Variants in STXBP4 observed in about 807,000 individuals in gnomAD.
The protein encoded by STXBP4 is syntaxin-binding protein 4.
Under a neutral mutation model 76.1 loss-of-function variants are expected in STXBP4, and 55 were observed. The observed-to-expected ratio is 0.72, with a 90% CI of 0.58 to 0.91. The LOEUF (loss-of-function observed/expected upper bound fraction) is 0.91, where lower values mean the gene tolerates loss of function less well. Among genes scored for constraint, STXBP4 ranks in the 40% least tolerant of loss-of-function variants. The probability of loss-of-function intolerance (pLI) is 0.00; values close to 1 mark genes in which losing one functional copy is unlikely to be tolerated. For synonymous variants in STXBP4, 201 were observed against 220.2 expected (o/e 0.91, Z 0.77); for missense variants, 618 against 636.9 (o/e 0.97, Z 0.32).
chr17:54,990,828 T>A lies in STXBP4; in HGVS notation c.51T>A (p.Asp17Glu), dbSNP rs762172948. Reference sequence around the variant, plus strand: ...GTGCTAATTTACTTTATCTTAGGGATCCTGCCTTTCAGATGATTACAATTG... The same window carrying A: ...GTGCTAATTTACTTTATCTTAGGGAACCTGCCTTTCAGATGATTACAATTG... ...TVVSPSLLEKDPAFQMITIAK... is the reference protein window; with the variant it reads ...TVVSPSLLEKEPAFQMITIAK... The change falls in exon 4 of 18, where the codon GAT becomes GAA. Residue 17 changes from aspartate to glutamate, a missense_variant. Asp to Glu is a conservative substitution (Grantham distance 45, BLOSUM62 2). Coordinates refer to ENST00000376352, the MANE Select transcript of STXBP4 (RefSeq NM_178509.6). The A allele has an allele frequency of 6.2e-7, 1 of 1,601,296 alleles. No homozygotes were observed. The highest frequency in any genetic ancestry group is 1.1e-5 in the South Asian group (1 of 88,314).
At chr17:55,210,355 A>G in the STXBP4 span, among the ~76,000 whole-genome samples, 1 of 152,172 alleles carries the variant, frequency 6.6e-6, no homozygotes, top group Non-Finnish European at 1.5e-5. Context: ...TCTGCACAAC[A>G]AAGGAGCGCT....
intron 12 of STXBP4, among the ~76,000 whole-genome samples, chr17:55,051,566 A>G (rs1168892895): frequency 6.6e-6 from 1 of 152,182 alleles, no homozygotes; most frequent in Non-Finnish European, 1.5e-5. Flanking sequence ...TCTCAATGAA[A>G]AAGAAAAGAT....
At chr17:55,003,803 A>T (rs2077958720) in intron 7 of STXBP4, among the ~76,000 whole-genome samples, 1 of 152,162 alleles carries the variant, frequency 6.6e-6, no homozygotes. Flanking sequence ...TACTAGTGCT[A>T]TATATAAGTT....
At position 55,163,929 on chromosome 17, in the gene STXBP4, GT is replaced by G. The variant is rs2080359192; in HGVS notation, c.*4021del. The stretch of plus-strand genomic sequence containing the variant: ...GAGTCAAGTGATACTTTCATAAAGT[GT>G]TTGCACAATTAGAAAATGTTATCCT... On this transcript the variant is annotated 3_prime_UTR_variant, in exon 18 of 18. Transcript: ENST00000376352. 1 of 152,614 alleles carries G rather than the reference GT, an allele frequency of 6.6e-6. No homozygotes were observed. Among genetic ancestry groups the G allele is most frequent in the Non-Finnish European group, 1.5e-5 (1 of 68,026 alleles). The allele number at this position is 152,614 out of a possible 1,614,324, so 9.5% of individuals were successfully genotyped here. A position where few individuals can be genotyped will look rare whatever the true frequency, so the allele number is the denominator to read the frequency against.
chr17:55,185,326 T>TCTCCTTCTCCTCCTCCTCCTCCTCCTC, the STXBP4 span, among the ~76,000 whole-genome samples: 73 of 74,588 alleles, frequency 9.8e-4, no homozygotes, highest in Non-Finnish European at 1.6e-3. Flanking sequence ...TCCTTCTCCT[T>TCTCCTTCTCCTCCTCCTCCTCCTCCTC]CTCCTCCTCC....
chr17:54,988,485 A>G (rs12945137), intron 3 of STXBP4, among the ~76,000 whole-genome samples: 114,865 of 152,130 alleles, frequency 0.76, 43,792 homozygotes, highest in African/African-American at 0.84. Context: ...TAAAGAAGGG[A>G]TTTATTGGCC....
chr17:55,158,143 G>A (rs1011021697), intron 17 of STXBP4, among the ~76,000 whole-genome samples: 1 of 152,122 alleles, frequency 6.6e-6, no homozygotes, highest in African/African-American at 2.4e-5. Context: ...CCTCACTGCA[G>A]CCTCAAACTT....
the STXBP4 span, among the ~76,000 whole-genome samples, chr17:55,209,087 A>T: frequency 1.3e-3 from 198 of 152,212 alleles, no homozygotes; most frequent in African/African-American, 3.2e-3. Flanking sequence ...ATCTCAAAAA[A>T]TTTTTTTTAA....
At chr17:55,178,869 C>T in the STXBP4 span, among the ~76,000 whole-genome samples, 2 of 152,174 alleles carry the variant, frequency 1.3e-5, no homozygotes, top group African/African-American at 4.8e-5. Flanking sequence ...AGGCCTAACC[C>T]ATACTGGGGA....
intron 13 of STXBP4, 120 bp from the exon 14 acceptor site, chr17:55,077,958 A>C (rs12939292): frequency 3.1e-6 from 2 of 642,802 alleles, no homozygotes; most frequent in African/African-American, 3.7e-5. Context: ...AAACATATGT[A>C]CAGTAAGAGA....
chr17:55,155,876 C>T (rs1046092031), intron 17 of STXBP4, among the ~76,000 whole-genome samples: 3 of 152,094 alleles, frequency 2.0e-5, no homozygotes, highest in African/African-American at 7.2e-5. Context: ...AGCATGTTCT[C>T]TTAGGTTTTT....
chr17:55,000,107 A>G, intron 6 of STXBP4: 2 of 589,620 alleles, frequency 3.4e-6, no homozygotes, highest in Non-Finnish European at 4.3e-6. Context: ...CCTAGATATC[A>G]CTCAAAACTA....
rs1223505038 is a variant in STXBP4 at position 55,161,798 on chromosome 17, C to T, written c.*1887C>T. 1 of 152,150 alleles carries T rather than the reference C, an allele frequency of 6.6e-6. No homozygotes were observed. Among genetic ancestry groups the T allele is most frequent in the Non-Finnish European group, 1.5e-5 (1 of 68,032 alleles). The allele number at this position is 152,150 out of a possible 1,614,324, so 9.4% of individuals were successfully genotyped here. On this transcript the variant is annotated 3_prime_UTR_variant, in exon 18 of 18. Transcript: ENST00000376352. ...TTAAAACCATTCCATGAAATAGGAA[C>T]TGTAATTATCCCCAATTCTAAAAGA...
At chr17:55,191,951 T>C in the STXBP4 span, among the ~76,000 whole-genome samples, 1 of 152,172 alleles carries the variant, frequency 6.6e-6, no homozygotes, top group Non-Finnish European at 1.5e-5. Context: ...GATAATTTGC[T>C]AGAACAGTTC....
At chr17:55,111,541 T>C (rs989611113) in intron 16 of STXBP4, among the ~76,000 whole-genome samples, 3 of 152,184 alleles carry the variant, frequency 2.0e-5, no homozygotes, top group African/African-American at 7.2e-5. Context: ...CGCCATCCCG[T>C]TGGTGCTGTC....
intron 12 of STXBP4, 40 bp from the exon 13 acceptor site, chr17:55,072,860 T>G (rs2079138098): frequency 6.5e-7 from 1 of 1,546,804 alleles, no homozygotes; most frequent in Non-Finnish European, 8.7e-7. Flanking sequence ...GAACTATTTC[T>G]TATGTATTTT....
At chr17:55,185,166 G>A in the STXBP4 span, among the ~76,000 whole-genome samples, 6 of 150,332 alleles carry the variant, frequency 4.0e-5, no homozygotes, top group African/African-American at 7.4e-5. Context: ...CCACCACCTG[G>A]CCACTATTTT....
intron 1 of STXBP4, among the ~76,000 whole-genome samples, chr17:54,974,016 GCTTT>G (rs1331717782): frequency 6.6e-6 from 1 of 151,970 alleles, no homozygotes; most frequent in African/African-American, 2.4e-5. Context: ...TGATTTTTAG[GCTTT>G]CTATGGATTA....
chr17:55,007,601 A>G lies in STXBP4; in HGVS notation c.666+4A>G, dbSNP rs2078033451. 1 of 1,593,004 alleles carries G rather than the reference A, an allele frequency of 6.3e-7. No individual in the cohort carries two copies. The highest frequency in any genetic ancestry group is 8.5e-7 in the Non-Finnish European group (1 of 1,171,980). ...TAAGGCAGAGAAACTGGAAATGGTA[A>G]AACCTTTAAATTTTCATTTTTCTTC... On this transcript the variant is annotated splice_donor_region_variant and intron_variant, in intron 8 of 17. Coordinates refer to ENST00000376352, the MANE Select transcript of STXBP4 (RefSeq NM_178509.6).
Sources: allele counts gnomAD v4.1 joint callset (sites outside exome capture counted in the v4.1 genomes callset), GRCh38; gene constraint gnomAD v4.1.1; transcripts MANE v1.5; gene names NCBI Gene and HGNC (gene_info 2026-07-23, HGNC 2026-07-21).